CIC: variants seen among roughly 807,000 people sequenced by gnomAD.
CIC encodes the protein protein capicua homolog.
CIC carries 18 observed loss-of-function variants against 115.7 expected under a neutral mutation model. The observed-to-expected ratio is 0.16, with a 90% CI of 0.11 to 0.23. The LOEUF (loss-of-function observed/expected upper bound fraction) is 0.23, where lower values mean the gene tolerates loss of function less well. Ranked by LOEUF, CIC falls within the 10% of genes least tolerant of loss-of-function variation. The pLI, the probability that CIC is intolerant of heterozygous loss-of-function variation, is 1.00. For missense variants in CIC, 2,000 were observed against 2,159.3 expected (o/e 0.93, Z 1.46); for synonymous variants, 1,076 against 923.0 (o/e 1.17, Z -3.01).
intron 7 of CIC, 149 bp downstream of exon 7, chr19:42,288,124 T>C: frequency 2.4e-6 from 2 of 844,646 alleles, no homozygotes; most frequent in South Asian, 3.2e-5. Context: ...GAACCGGCAG[T>C]TGATTCATGT....
In CIC at chr19:42,290,354, G is replaced by A. The variant is rs1248145762; in HGVS notation, c.4313G>A (p.Gly1438Asp). 3 of 1,613,978 alleles carry A rather than the reference G, an allele frequency of 1.9e-6. No homozygotes were observed. The highest frequency in any genetic ancestry group is 1.3e-5 in the African/African-American group (1 of 74,876). Reference sequence around the variant, plus strand: ...CCTGTAGCCTTTGGCAAAGGCTATGGTTCCGCCCCATCCTCCTCTGCGTCC... The same window carrying A: ...CCTGTAGCCTTTGGCAAAGGCTATGATTCCGCCCCATCCTCCTCTGCGTCC... ...DPPVAFGKGY[G>D]SAPSSSASSP... Residue 1438 changes from glycine (G) to aspartate (D), a missense_variant, in exon 11 of 21, where the codon GGT (glycine) becomes GAT (aspartate). Around this residue, in one of 8 missense-constraint regions of CIC, gnomAD observed 1,466 missense variants for 1,390.4 expected, o/e 1.05. Coordinates refer to ENST00000681038, the MANE Select transcript of CIC (RefSeq NM_001386298.1).
At chr19:42,288,772 C>T in intron 7 of CIC, 116 bp from the exon 8 acceptor site, 4 of 921,134 alleles carry the variant, frequency 4.3e-6, no homozygotes, top group Non-Finnish European at 6.9e-6. Flanking sequence ...ACCAAGTGGC[C>T]CAGAAATTCC....
chr19:42,292,777 T>A lies in CIC; in HGVS notation c.6114T>A (p.Pro2038=). The A allele has an allele frequency of 1.9e-6, 3 of 1,613,468 alleles. No homozygotes were observed. The highest frequency in any genetic ancestry group is 2.5e-6 in the Non-Finnish European group (3 of 1,179,846). ...VYTVATSTTP[P]AATILPKGPP... The stretch of plus-strand genomic sequence containing the variant: ...CTGTGGCCACCAGCACAACCCCACC[T>A]GCAGCCACCATTCTGCCCAAGGGCC... The change falls in exon 15 of 21, where the codon CCT becomes CCA. Residue 2038 remains proline (P), a synonymous_variant. Transcript: ENST00000681038.
In CIC at chr19:42,292,714, G is replaced by A. The variant is rs1443717069; in HGVS notation, c.6051G>A (p.Leu2017=). Reference sequence around the variant, plus strand: ...CTGCACCCACCTCCTCAGCACCCCTGGCCCAGCCATCCCAGGCCCCCCCAA... The same window carrying A: ...CTGCACCCACCTCCTCAGCACCCCTAGCCCAGCCATCCCAGGCCCCCCCAA... The part of the protein sequence containing the change: ...GSPAPTSSAP[L]AQPSQAPPSL... Residue 2017 remains leucine, a synonymous_variant, in exon 15 of 21, where the codon CTG becomes CTA. Coordinates refer to ENST00000681038, the MANE Select transcript of CIC (RefSeq NM_001386298.1). 3 of 1,613,782 alleles carry A rather than the reference G, an allele frequency of 1.9e-6. No homozygotes were observed. The East Asian group carries it at 6.7e-5, about 36-fold the overall frequency.
chr19:42,286,291 G>A (rs1269354328), intron 2 of CIC, among the ~76,000 whole-genome samples: 1 of 152,160 alleles, frequency 6.6e-6, no homozygotes, highest in Non-Finnish European at 1.5e-5. Flanking sequence ...GGGAGGGGAC[G>A]TGGGGCCGTA....
Position 42,292,667 on chromosome 19 carries a change from A to T in CIC, c.6004A>T (p.Thr2002Ser), listed in dbSNP as rs2147308537. ...TGCAGCCCCCGGAGGTCCTGTCATA[A>T]CAGCATTTTACTCTGGCAGCCCTGC... The part of the protein sequence containing the change: ...ACAAPGGPVI[T>S]AFYSGSPAPT... The change falls in exon 15 of 21, where the codon ACA (threonine) becomes TCA (serine). Residue 2002 changes from threonine (T) to serine (S), a missense_variant. Physicochemically the swap from Thr to Ser is moderately conservative, Grantham distance 58. This residue lies in a region of CIC where 1,466 missense variants were observed against 1,390.4 expected (regional missense o/e 1.05). Coordinates refer to ENST00000681038, the MANE Select transcript of CIC (RefSeq NM_001386298.1). 6.2e-7 allele frequency: 1 copy of T among 1,613,836 alleles called. No individual in the cohort carries two copies. The highest frequency in any genetic ancestry group is 1.3e-5 in the African/African-American group (1 of 75,024).
In CIC at chr19:42,294,602, A is replaced by G; in HGVS notation, c.7055-2A>G. The G allele has an allele frequency of 6.2e-7, 1 of 1,613,342 alleles. No individual in the cohort carries two copies. Among genetic ancestry groups the G allele is most frequent in the Non-Finnish European group, 8.5e-7 (1 of 1,179,958 alleles). The stretch of plus-strand genomic sequence containing the variant: ...TTGCCATGCTGCCTGTGCCCTGCAC[A>G]GGTACAGAAGCCGAGGACGTGCTTG... On this transcript the variant is annotated splice_acceptor_variant, in intron 19 of 20. Transcript: ENST00000681038. LOFTEE classifies it high-confidence loss of function.
intron 2 of CIC, chr19:42,284,489 G>A (rs1464678547): frequency 6.8e-6 from 1 of 146,204 alleles, no homozygotes; most frequent in African/African-American, 2.5e-5. Flanking sequence ...CCCGCCCCCC[G>A]GGCGGCGGGA....
At chr19:42,283,762 GC>G (rs1247161534) in intron 2 of CIC, among the ~76,000 whole-genome samples, 3 of 151,988 alleles carry the variant, frequency 2.0e-5, no homozygotes, top group Non-Finnish European at 4.4e-5. Flanking sequence ...GCCCCGAACC[GC>G]CCCCCTGGCT....
chr19:42,273,618 G>C lies in CIC; in HGVS notation c.1835G>C (p.Gly612Ala), dbSNP rs1320025211. 5.0e-6 allele frequency: 2 copies of C among 398,494 alleles called. No homozygotes were observed. The highest frequency in any genetic ancestry group is 4.4e-5 in the Admixed American group (1 of 22,718). The allele number at this position is 398,494 out of a possible 1,614,324, so 24.7% of individuals were successfully genotyped here. Residue 612 changes from glycine to alanine, a missense_variant, in exon 2 of 21, where the codon GGC becomes GCC. By Grantham distance (60) the Gly-to-Ala change is moderately conservative. Coordinates refer to ENST00000681038, the MANE Select transcript of CIC (RefSeq NM_001386298.1). ...MLVSLGSSRS[G>A]TPSFSPVSTQ... is the part of the protein sequence containing the mutation. ...GTGTCGCTGGGCAGCTCGCGCTCAGGCACGCCCTCCTTCTCACCCGTCTCC... is the reference window on the plus strand; with the variant it reads ...GTGTCGCTGGGCAGCTCGCGCTCAGCCACGCCCTCCTTCTCACCCGTCTCC...
chr19:42,277,833 T>C (rs989017401), intron 2 of CIC, among the ~76,000 whole-genome samples: 1 of 152,194 alleles, frequency 6.6e-6, no homozygotes, highest in Non-Finnish European at 1.5e-5. Context: ...ACAACACCCA[T>C]GCTGAGGTAT....
intron 11 of CIC, 26 bp from the exon 12 acceptor site, chr19:42,291,532 T>C (rs920900454): frequency 6.2e-7 from 1 of 1,613,102 alleles, no homozygotes; most frequent in Admixed American, 1.7e-5. Flanking sequence ...TTGTAACCTT[T>C]TCCTTTCTTG....
chr19:42,294,371 T>A, intron 19 of CIC, 67 bp downstream of exon 19: 1 of 1,602,764 alleles, frequency 6.2e-7, no homozygotes, highest in South Asian at 1.1e-5. Context: ...TGGAAGGCGG[T>A]TAGAGAGTGA....
In CIC at chr19:42,287,903, G is replaced by T; in HGVS notation, c.3586G>T (p.Gly1196Trp). The T allele has an allele frequency of 6.2e-7, 1 of 1,610,026 alleles. No homozygotes were observed. Among genetic ancestry groups the T allele is most frequent in the East Asian group, 2.2e-5 (1 of 44,750 alleles). Residue 1196 changes from glycine (G) to tryptophan (W), a missense_variant, in exon 7 of 21, where the codon GGG (glycine) becomes TGG (tryptophan). Transcript: ENST00000681038. The surrounding 1 kb of genome is among the most constrained non-coding windows in gnomAD (Gnocchi z 8.7). ...CTCAGAGGCCAAGCCCACGAGCCTG[G>T]GGCTGGCAGGAGGGCACAAGGAGAC... is the stretch of plus-strand genomic sequence containing the variant. ...SSSEAKPTSL[G>W]LAGGHKETRE...
rs765183105 is a variant in CIC, at chr19:42,292,826, C to T, written c.6163C>T (p.Pro2055Ser). ...KGPPAPATATPAPTSPFPSAT... is the reference protein window; with the variant it reads ...KGPPAPATATSAPTSPFPSAT... ...CCCGCCAGCCCCTGCCACTGCCACC[C>T]CAGCCCCGACTAGCCCTTTCCCCAG... The change falls in exon 15 of 21, where the codon CCA (proline) becomes TCA (serine). Residue 2055 changes from proline (P) to serine (S), a missense_variant. Pro to Ser is a moderately conservative substitution (Grantham distance 74). Coordinates refer to ENST00000681038, the MANE Select transcript of CIC (RefSeq NM_001386298.1). 1.2e-6 allele frequency: 2 copies of T among 1,613,816 alleles called. No homozygotes were observed. Among genetic ancestry groups the T allele is most frequent in the Non-Finnish European group, 1.7e-6 (2 of 1,179,992 alleles).
At position 42,273,169 on chromosome 19, in the gene CIC, G is replaced by A. The variant is rs2036849946; in HGVS notation, c.1386G>A (p.Lys462=). Residue 462 remains lysine, a synonymous_variant, in exon 2 of 21, where the codon AAG becomes AAA. Coordinates refer to ENST00000681038, the MANE Select transcript of CIC (RefSeq NM_001386298.1). ...SRSSSVASLE[K]GTAPAARART... ...GCAGCAGCGTGGCCTCCCTGGAAAAGGGGACAGCACCGGCAGCCCGGGCCC... is the reference window on the plus strand; with the variant it reads ...GCAGCAGCGTGGCCTCCCTGGAAAAAGGGACAGCACCGGCAGCCCGGGCCC... The A allele has an allele frequency of 2.5e-6, 1 of 398,670 alleles. No individual in the cohort carries two copies. Among genetic ancestry groups the A allele is most frequent in the Admixed American group, 4.4e-5 (1 of 22,722 alleles). The allele number at this position is 398,670 out of a possible 1,614,324, so 24.7% of individuals were successfully genotyped here.
At chr19:42,284,025 AGGCGC>A in intron 2 of CIC, 1 of 99,470 alleles carries the variant, frequency 1.0e-5, no homozygotes, top group Non-Finnish European at 2.2e-5. Flanking sequence ...GGGCGGGGGG[AGGCGC>A]GGCGGGGGGA....
At position 42,295,407 on chromosome 19, in the gene CIC, C is replaced by T. The variant is rs1177346342; in HGVS notation, c.*216C>T. 2 of 576,766 alleles carry T rather than the reference C, an allele frequency of 3.5e-6. No homozygotes were observed. Among genetic ancestry groups the T allele is most frequent in the African/African-American group, 1.9e-5 (1 of 53,430 alleles). The allele number at this position is 576,766 out of a possible 1,614,324, so 35.7% of individuals were successfully genotyped here. On this transcript the variant is annotated 3_prime_UTR_variant, in exon 21 of 21. Transcript: ENST00000681038. Reference sequence around the variant, plus strand: ...GGGCTGCAGGGGCAGTCTCCCTCCTCCAAGCCCCTGTACATAACCTGGAGC... The same window carrying T: ...GGGCTGCAGGGGCAGTCTCCCTCCTTCAAGCCCCTGTACATAACCTGGAGC...
chr19:42,293,612 A>G lies in CIC; in HGVS notation c.6543A>G (p.Ser2181=), dbSNP rs766626923. 12 of 1,613,558 alleles carry G rather than the reference A, an allele frequency of 7.4e-6. No individual in the cohort carries two copies. Among genetic ancestry groups the G allele is most frequent in the Non-Finnish European group, 1.0e-5 (12 of 1,179,982 alleles). Residue 2181 remains serine, a synonymous_variant, in exon 17 of 21, where the codon TCA becomes TCG. Coordinates refer to ENST00000681038, the MANE Select transcript of CIC (RefSeq NM_001386298.1). ...CCCAGGCCAGCAAATTCCCCAGCTCATCTTCAGACTGGCGCGTCCCTGGGC... is the reference window on the plus strand; with the variant it reads ...CCCAGGCCAGCAAATTCCCCAGCTCGTCTTCAGACTGGCGCGTCCCTGGGC... ...PETMASKFPS[S]SSDWRVPGQG...
Sources: allele counts gnomAD v4.1 joint callset (sites outside exome capture counted in the v4.1 genomes callset), GRCh38; gene constraint gnomAD v4.1.1; regional missense constraint gnomAD v4.1.1; non-coding constraint Gnocchi (gnomAD v3.1); transcripts MANE v1.5; gene names NCBI Gene and HGNC (gene_info 2026-07-23, HGNC 2026-07-21).